NKAIN2: variants seen among roughly 807,000 people sequenced by gnomAD.
The protein encoded by NKAIN2 is sodium/potassium transporting ATPase interacting 2, also known as sodium/potassium-transporting ATPase subunit beta-1-interacting protein 2.
Under a neutral mutation model 32.6 loss-of-function variants are expected in NKAIN2, and 14 were observed. The observed-to-expected ratio is 0.43, with a 90% confidence interval of 0.28 to 0.67. NKAIN2 has a LOEUF of 0.67. NKAIN2 is among the 30% of genes least tolerant of loss of function. The pLI is 0.17. For missense variants in NKAIN2, 198 were observed against 258.3 expected (o/e 0.77, Z 1.60); for synonymous variants, 80 against 87.2 (o/e 0.92, Z 0.46).
At chr6:124,000,844 T>C (rs1582908778) in intron 1 of NKAIN2, among the ~76,000 whole-genome samples, 2 of 152,206 alleles carry the variant, frequency 1.3e-5, no homozygotes, top group South Asian at 4.1e-4. Flanking sequence ...AAAAAGGCAG[T>C]GCCATTATTG....
chr6:124,815,225 C>CATATATATATAT (rs56841213), intron 5 of NKAIN2, among the ~76,000 whole-genome samples: 4,951 of 136,698 alleles, frequency 0.036, 134 homozygotes, highest in East Asian at 0.099. Context: ...TATATATATA[C>CATATATATATAT]ATATATATAT....
At chr6:123,871,206 C>T (rs1299534128) in intron 1 of NKAIN2, among the ~76,000 whole-genome samples, 1 of 152,166 alleles carries the variant, frequency 6.6e-6, no homozygotes, top group Non-Finnish European at 1.5e-5. Flanking sequence ...ATAAAGTACT[C>T]TTCACAGCTG....
chr6:124,526,420 G>A (rs892770302), intron 3 of NKAIN2, among the ~76,000 whole-genome samples: 1 of 152,070 alleles, frequency 6.6e-6, no homozygotes, highest in African/African-American at 2.4e-5. Flanking sequence ...CCCACATGAG[G>A]TTATTTCTTT....
At chr6:124,470,235 G>C (rs1776918519) in intron 3 of NKAIN2, among the ~76,000 whole-genome samples, 1 of 152,124 alleles carries the variant, frequency 6.6e-6, no homozygotes, top group Non-Finnish European at 1.5e-5. Flanking sequence ...GTGCTGGTGA[G>C]AGACGAGGCA....
intron 4 of NKAIN2, among the ~76,000 whole-genome samples, chr6:124,754,393 A>T (rs990629215): frequency 6.6e-6 from 1 of 152,052 alleles, no homozygotes; most frequent in Non-Finnish European, 1.5e-5. Flanking sequence ...GTCGTTGAGT[A>T]AATGCTGGGG....
intron 4 of NKAIN2, among the ~76,000 whole-genome samples, chr6:124,676,172 T>C (rs1773346648): frequency 1.3e-5 from 2 of 152,218 alleles, no homozygotes; most frequent in African/African-American, 2.4e-5. Flanking sequence ...CTTCATTCCA[T>C]TGTGGTCAGA....
chr6:124,362,816 A>G (rs1344125941), intron 3 of NKAIN2, among the ~76,000 whole-genome samples: 3 of 152,168 alleles, frequency 2.0e-5, no homozygotes, highest in Non-Finnish European at 4.4e-5. Flanking sequence ...AAAAATGAAT[A>G]AAAAAGGAAA....
At chr6:123,976,000 G>C (rs1255186871) in intron 1 of NKAIN2, among the ~76,000 whole-genome samples, 1 of 151,506 alleles carries the variant, frequency 6.6e-6, no homozygotes, top group African/African-American at 2.4e-5. Flanking sequence ...TTCTGATGAT[G>C]GTGAATAAGT....
intron 1 of NKAIN2, among the ~76,000 whole-genome samples, chr6:123,874,330 A>T (rs1773059170): frequency 6.6e-6 from 1 of 152,184 alleles, no homozygotes; most frequent in Admixed American, 6.5e-5. Context: ...TTCTGATTTT[A>T]AAAAATCACA....
At chr6:124,483,438 G>A (rs1357681542) in intron 3 of NKAIN2, among the ~76,000 whole-genome samples, 1 of 152,086 alleles carries the variant, frequency 6.6e-6, no homozygotes, top group African/African-American at 2.4e-5. Flanking sequence ...AAGTATTATA[G>A]CTCATGTTTA....
intron 4 of NKAIN2, among the ~76,000 whole-genome samples, chr6:124,669,786 C>T (rs545021475): frequency 2.0e-5 from 3 of 151,812 alleles, no homozygotes; most frequent in South Asian, 2.1e-4. Flanking sequence ...TCTCCACCTC[C>T]GTTTCTCACA....
At chr6:123,884,766 C>T (rs1465823671) in intron 1 of NKAIN2, among the ~76,000 whole-genome samples, 1 of 152,034 alleles carries the variant, frequency 6.6e-6, no homozygotes, top group East Asian at 1.9e-4. Context: ...TTTCATTCAA[C>T]ATGCTGAGAT....
chr6:124,131,374 G>A (rs1786468122), intron 1 of NKAIN2, among the ~76,000 whole-genome samples: 1 of 152,146 alleles, frequency 6.6e-6, no homozygotes, highest in Non-Finnish European at 1.5e-5. Flanking sequence ...TGGTGAATAG[G>A]AGGCAGGATT....
chr6:124,484,659 A>G (rs1238750716), intron 3 of NKAIN2, among the ~76,000 whole-genome samples: 1 of 152,210 alleles, frequency 6.6e-6, no homozygotes, highest in African/African-American at 2.4e-5. Context: ...TATGTGAGAT[A>G]ACTGAACACA....
At chr6:124,492,635 T>C (rs187123771) in intron 3 of NKAIN2, among the ~76,000 whole-genome samples, 2 of 152,116 alleles carry the variant, frequency 1.3e-5, no homozygotes, top group African/African-American at 2.4e-5. Context: ...TATTATGCTT[T>C]GGTATCTTAG....
At chr6:124,594,825 G>A (rs971990392) in intron 3 of NKAIN2, among the ~76,000 whole-genome samples, 9 of 152,048 alleles carry the variant, frequency 5.9e-5, no homozygotes, top group African/African-American at 1.9e-4. Flanking sequence ...TCAAAAGTGG[G>A]GCATGCTGGG....
At chr6:124,016,058 C>T (rs1780558749) in intron 1 of NKAIN2, among the ~76,000 whole-genome samples, 1 of 151,900 alleles carries the variant, frequency 6.6e-6, no homozygotes, top group Non-Finnish European at 1.5e-5. Context: ...AGATCATTTC[C>T]AATTTTTATA....
At chr6:124,311,356 C>T (rs184043563) in intron 2 of NKAIN2, among the ~76,000 whole-genome samples, 7 of 152,226 alleles carry the variant, frequency 4.6e-5, no homozygotes, top group Non-Finnish European at 8.8e-5. Flanking sequence ...ACAAACTCTC[C>T]GCATTTAATA....
At chr6:124,425,149 T>C (rs772411995) in intron 3 of NKAIN2, among the ~76,000 whole-genome samples, 11 of 152,066 alleles carry the variant, frequency 7.2e-5, no homozygotes, top group Non-Finnish European at 1.6e-4. Context: ...GAGAAGACAG[T>C]TTTAAGAAGA....
Sources: gnomAD v4.1 joint callset for allele counts (sites outside exome capture counted in the v4.1 genomes callset) on GRCh38, gnomAD v4.1.1 for gene constraint, MANE v1.5 for transcripts, NCBI Gene and HGNC (gene_info 2026-07-23, HGNC 2026-07-21) for gene names.